The following SIK3 variants were observed in gnomAD, a reference collection of about 807,000 sequenced individuals.
The protein encoded by SIK3 is serine/threonine-protein kinase SIK3.
Under a neutral mutation model 144.2 loss-of-function variants are expected in SIK3, and 28 were observed. That is an observed-to-expected ratio of 0.19 (90% CI 0.14 to 0.27). The LOEUF is 0.27. Ranked by LOEUF, SIK3 falls within the 10% of genes least tolerant of loss-of-function variation. The pLI, the probability that SIK3 is intolerant of heterozygous loss-of-function variation, is 1.00. For missense variants in SIK3, 1,319 were observed against 1,776.0 expected (o/e 0.74, Z 4.62); for synonymous variants, 686 against 676.3 (o/e 1.01, Z -0.22).
At chr11:116,971,083 T>C (rs962514366) in intron 1 of SIK3, among the ~76,000 whole-genome samples, 3 of 152,258 alleles carry the variant, frequency 2.0e-5, no homozygotes, top group Non-Finnish European at 4.4e-5. Flanking sequence ...AACTAAAGCA[T>C]AACACCACTG....
chr11:117,001,393 C>T (rs535690080), intron 1 of SIK3, among the ~76,000 whole-genome samples: 2 of 152,074 alleles, frequency 1.3e-5, no homozygotes, highest in Non-Finnish European at 2.9e-5. Context: ...ATATTCCCAG[C>T]TACTTGGGAG....
chr11:116,999,129 G>A (rs1182943796), intron 1 of SIK3, among the ~76,000 whole-genome samples: 3 of 152,094 alleles, frequency 2.0e-5, no homozygotes, highest in Non-Finnish European at 4.4e-5. Flanking sequence ...CAAACACAAG[G>A]GAACCAAACT....
intron 21 of SIK3, 55 bp downstream of exon 21, chr11:116,857,755 A>T (rs1400328930): frequency 6.3e-7 from 1 of 1,576,768 alleles, no homozygotes; most frequent in East Asian, 2.2e-5. Flanking sequence ...AACATTACTG[A>T]GTCAGTTGAT....
chr11:117,052,057 G>A (rs1373605748), intron 1 of SIK3, among the ~76,000 whole-genome samples: 2 of 152,000 alleles, frequency 1.3e-5, no homozygotes, highest in African/African-American at 4.8e-5. Flanking sequence ...CAGGAGAATT[G>A]CTTGAAACCG....
intron 1 of SIK3, among the ~76,000 whole-genome samples, chr11:117,020,197 G>A (rs1448619527): frequency 7.6e-6 from 1 of 131,146 alleles, no homozygotes; most frequent in Non-Finnish European, 1.6e-5. Flanking sequence ...CTTGAGAAGA[G>A]CATCATGGGT....
At chr11:116,901,694 C>A (rs770424449) in intron 4 of SIK3, among the ~76,000 whole-genome samples, 4 of 152,184 alleles carry the variant, frequency 2.6e-5, no homozygotes, top group African/African-American at 4.8e-5. Flanking sequence ...GATCTACCCT[C>A]TCTCTCTAGT....
chr11:116,941,389 C>A, intron 3 of SIK3, among the ~76,000 whole-genome samples: 1 of 130,210 alleles, frequency 7.7e-6, no homozygotes, highest in African/African-American at 3.0e-5. Flanking sequence ...AAGGATGCTG[C>A]GGATTAAATA....
intron 1 of SIK3, among the ~76,000 whole-genome samples, chr11:117,044,121 A>G (rs1403233432): frequency 6.6e-6 from 1 of 152,266 alleles, no homozygotes; most frequent in Non-Finnish European, 1.5e-5. Flanking sequence ...GAATCTTTTC[A>G]AAGGAAACAA....
At chr11:117,076,357 T>C (rs1029004135) in intron 1 of SIK3, among the ~76,000 whole-genome samples, 4 of 152,120 alleles carry the variant, frequency 2.6e-5, no homozygotes, top group African/African-American at 9.7e-5. Flanking sequence ...CTCCAATGAT[T>C]AAATGAGCAC....
intron 1 of SIK3, among the ~76,000 whole-genome samples, chr11:117,068,803 C>G (rs1954132968): frequency 6.6e-6 from 1 of 152,204 alleles, no homozygotes; most frequent in East Asian, 1.9e-4. Context: ...TTTCCTTTCT[C>G]TAGAATTTCT....
At chr11:116,951,812 C>T (rs12286405) in intron 3 of SIK3, among the ~76,000 whole-genome samples, 22,160 of 151,850 alleles carry the variant, frequency 0.15, 2,265 homozygotes, top group African/African-American at 0.28. Context: ...TGTATACCTA[C>T]AGTCCCAGCT....
chr11:116,884,352 T>TC (rs1450226186), intron 6 of SIK3, among the ~76,000 whole-genome samples: 1 of 146,526 alleles, frequency 6.8e-6, no homozygotes, highest in Non-Finnish European at 1.5e-5. Flanking sequence ...ACATCTGGCT[T>TC]TTTTTTTTTT....
intron 6 of SIK3, among the ~76,000 whole-genome samples, chr11:116,889,610 T>C (rs998184019): frequency 2.0e-5 from 3 of 152,190 alleles, no homozygotes; most frequent in Admixed American, 1.3e-4. Flanking sequence ...TTAAAAAATA[T>C]ATTGGCTGGG....
chr11:116,929,983 C>G (rs1190219688), intron 3 of SIK3, among the ~76,000 whole-genome samples: 3 of 152,110 alleles, frequency 2.0e-5, no homozygotes, highest in Non-Finnish European at 4.4e-5. Flanking sequence ...AATACTTTCC[C>G]CAAAGTTACC....
intron 1 of SIK3, among the ~76,000 whole-genome samples, chr11:116,995,851 A>T (rs955815415): frequency 6.6e-5 from 10 of 152,140 alleles, no homozygotes; most frequent in Non-Finnish European, 1.2e-4. Context: ...TATTTTCAAC[A>T]TCTAAAATAA....
At position 116,849,684 on chromosome 11, in the gene SIK3, G is replaced by A. The variant is rs540770832; in HGVS notation, c.3656-401C>T. On this transcript the variant is annotated intron_variant, in intron 21 of 24. Coordinates refer to ENST00000445177, the MANE Select transcript of SIK3 (RefSeq NM_001366686.3). The surrounding 1 kb of genome is among the most constrained non-coding windows in gnomAD (Gnocchi z 4.2). ...CTGGCTGCGTCCTCTCTCCTCCCCC[G>A]GTGACCTCAGTGTACCACGCTGCTA... 1.4e-4 allele frequency among the ~76,000 whole-genome samples: 21 copies of A among 152,080 alleles called. No individual in the cohort carries two copies. The highest frequency in any genetic ancestry group is 2.5e-4 in the Non-Finnish European group (17 of 67,972).
rs1943235402 is a variant in SIK3, at chr11:116,860,122, G to A, written c.2426-518C>T. On this transcript the variant is annotated intron_variant, in intron 19 of 24. Transcript: ENST00000445177. Reference sequence around the variant, plus strand: ...TAGCTGGGTGTGGTGGCGGGCGCCTGTAATCCCAGCTACTTGGGAGGCTGA... The same window carrying A: ...TAGCTGGGTGTGGTGGCGGGCGCCTATAATCCCAGCTACTTGGGAGGCTGA... Among the ~76,000 whole-genome samples the A allele has an allele frequency of 2.6e-5, 4 of 152,150 alleles. 2 individuals are homozygous for A. The highest frequency in any genetic ancestry group is 2.6e-4 in the Admixed American group (4 of 15,278).
intron 4 of SIK3, among the ~76,000 whole-genome samples, chr11:116,906,433 G>T (rs960055354): frequency 2.0e-5 from 3 of 152,038 alleles, no homozygotes; most frequent in Non-Finnish European, 4.4e-5. Context: ...AGTAGTAAAA[G>T]GATAAAATAT....
chr11:116,947,207 T>TATATTATATA (rs1948677188), intron 3 of SIK3, among the ~76,000 whole-genome samples: 2 of 137,872 alleles, frequency 1.5e-5, no homozygotes, highest in African/African-American at 5.4e-5. Context: ...CAAATTATTA[T>TATATTATATA]TTATATACAA....
Sources: gnomAD v4.1 joint callset for allele counts (sites outside exome capture counted in the v4.1 genomes callset) on GRCh38, gnomAD v4.1.1 for gene constraint, Gnocchi (gnomAD v3.1) non-coding constraint, MANE v1.5 for transcripts, NCBI Gene and HGNC (gene_info 2026-07-23, HGNC 2026-07-21) for gene names.